Variants in FBN2 observed in about 807,000 individuals in gnomAD.
The protein encoded by FBN2 is fibrillin-2.
Under a neutral mutation model 355.6 loss-of-function variants are expected in FBN2, and 105 were observed. The ratio of observed to expected loss-of-function variants is 0.30; its 90% confidence interval spans 0.25 to 0.35. FBN2 has a LOEUF of 0.35. Among genes scored for constraint, FBN2 ranks in the 10% least tolerant of loss-of-function variants. The pLI, the probability that FBN2 is intolerant of heterozygous loss-of-function variation, is 1.00. For missense variants in FBN2, 3,280 were observed against 3,758.7 expected (o/e 0.87, Z 3.33); for synonymous variants, 1,350 against 1,301.2 (o/e 1.04, Z -0.81).
intron 34 of FBN2, among the ~76,000 whole-genome samples, chr5:128,320,396 C>T (rs1331251217): frequency 6.6e-6 from 1 of 151,974 alleles, no homozygotes; most frequent in East Asian, 1.9e-4. Flanking sequence ...AAAAGGTTTG[C>T]AGAGACAGGG....
At chr5:128,328,262 T>A in intron 34 of FBN2, 1 of 329,720 alleles carries the variant, frequency 3.0e-6, no homozygotes, top group South Asian at 3.2e-5. Flanking sequence ...GGACTTCCAT[T>A]CCCAGACATA....
intron 5 of FBN2, among the ~76,000 whole-genome samples, chr5:128,476,478 AT>A (rs1229817729): frequency 1.3e-5 from 2 of 152,106 alleles, no homozygotes; most frequent in Non-Finnish European, 2.9e-5. Context: ...AGTAGTAATA[AT>A]CAATATCAGA....
chr5:128,383,534 C>A (rs570137976), intron 11 of FBN2, among the ~76,000 whole-genome samples: 2 of 152,096 alleles, frequency 1.3e-5, no homozygotes, highest in East Asian at 3.9e-4. Flanking sequence ...AAAGGCAAGC[C>A]ACAGGCTAGG....
intron 6 of FBN2, among the ~76,000 whole-genome samples, chr5:128,455,011 C>T (rs1056653554): frequency 2.6e-5 from 4 of 151,950 alleles, no homozygotes; most frequent in African/African-American, 9.7e-5. Flanking sequence ...ATAATTATGC[C>T]AGTTTAATTT....
intron 5 of FBN2, among the ~76,000 whole-genome samples, chr5:128,508,951 A>G (rs1216428109): frequency 6.6e-6 from 1 of 152,030 alleles, no homozygotes; most frequent in Non-Finnish European, 1.5e-5. Context: ...GTTTTGGACA[A>G]ATAATTTGTT....
chr5:128,266,738 T>C (rs1478830805), intron 62 of FBN2, among the ~76,000 whole-genome samples: 2 of 152,072 alleles, frequency 1.3e-5, no homozygotes, highest in East Asian at 1.9e-4. Flanking sequence ...TTAAGGTCTA[T>C]GGAATTAACC....
At chr5:128,320,335 C>T (rs1206339216) in intron 34 of FBN2, among the ~76,000 whole-genome samples, 1 of 152,018 alleles carries the variant, frequency 6.6e-6, no homozygotes, top group Non-Finnish European at 1.5e-5. Flanking sequence ...CCCCTTCAGC[C>T]TTCCAGGTAG....
At chr5:128,412,277 T>C (rs901877752) in intron 7 of FBN2, among the ~76,000 whole-genome samples, 1 of 152,266 alleles carries the variant, frequency 6.6e-6, no homozygotes, top group Non-Finnish European at 1.5e-5. Context: ...CTCTGTATTT[T>C]GACTTGAGCT....
chr5:128,322,519 C>T (rs1750409641), intron 34 of FBN2, among the ~76,000 whole-genome samples: 1 of 152,164 alleles, frequency 6.6e-6, no homozygotes, highest in Non-Finnish European at 1.5e-5. Context: ...CCAGTTTTCC[C>T]AGCACCATTT....
At chr5:128,520,240 C>T (rs993853430) in intron 4 of FBN2, among the ~76,000 whole-genome samples, 3 of 152,116 alleles carry the variant, frequency 2.0e-5, no homozygotes, top group South Asian at 2.1e-4. Flanking sequence ...CACTGCAACT[C>T]GGTTCAGCCT....
chr5:128,514,994 T>C (rs972145697), intron 5 of FBN2, among the ~76,000 whole-genome samples: 27 of 152,336 alleles, frequency 1.8e-4, no homozygotes, highest in African/African-American at 6.5e-4. Flanking sequence ...ATACTACTAA[T>C]TTGCTATGTT....
intron 8 of FBN2, among the ~76,000 whole-genome samples, chr5:128,405,898 G>A (rs926961323): frequency 6.6e-6 from 1 of 152,042 alleles, no homozygotes; most frequent in East Asian, 1.9e-4. Context: ...AATATTCTAG[G>A]AGACAAGTTT....
chr5:128,381,870 G>A (rs1224842709), intron 11 of FBN2, among the ~76,000 whole-genome samples: 1 of 152,058 alleles, frequency 6.6e-6, no homozygotes, highest in African/African-American at 2.4e-5. Flanking sequence ...CAAAATTTGA[G>A]CTAAGCCTAA....
At chr5:128,279,129 T>C (rs1288144769) in intron 56 of FBN2, among the ~76,000 whole-genome samples, 1 of 152,126 alleles carries the variant, frequency 6.6e-6, no homozygotes, top group Non-Finnish European at 1.5e-5. Flanking sequence ...TTCTGTAGAA[T>C]ACAAGTGAAA....
chr5:128,456,487 G>T (rs930359446), intron 6 of FBN2, among the ~76,000 whole-genome samples: 1 of 152,064 alleles, frequency 6.6e-6, no homozygotes, highest in Non-Finnish European at 1.5e-5. Flanking sequence ...CACCCAACTG[G>T]GTGAGACCCT....
chr5:128,527,058 T>A (rs746940720), intron 4 of FBN2, among the ~76,000 whole-genome samples: 4 of 152,130 alleles, frequency 2.6e-5, no homozygotes, highest in Admixed American at 1.3e-4. Context: ...GAACGTATAG[T>A]CTACATCAGG....
chr5:128,473,126 C>A (rs1203789651), intron 5 of FBN2, among the ~76,000 whole-genome samples: 1 of 152,190 alleles, frequency 6.6e-6, no homozygotes, highest in African/African-American at 2.4e-5. Context: ...TTTCTGTAAT[C>A]TAATTCCTGG....
chr5:128,495,003 A>G (rs1460830872), intron 5 of FBN2, among the ~76,000 whole-genome samples: 2 of 152,206 alleles, frequency 1.3e-5, no homozygotes, highest in Non-Finnish European at 2.9e-5. Flanking sequence ...AGCAGTCATT[A>G]TGAGTATGTC....
At chr5:128,311,573 C>A in intron 38 of FBN2, 148 bp from the exon 39 acceptor site, 1 of 836,060 alleles carries the variant, frequency 1.2e-6, no homozygotes, top group Non-Finnish European at 2.0e-6. Flanking sequence ...TTATTCTGCT[C>A]AAATATCTTC....
Sources: gnomAD v4.1 joint callset for allele counts (sites outside exome capture counted in the v4.1 genomes callset) on GRCh38, gnomAD v4.1.1 for gene constraint, MANE v1.5 for transcripts, NCBI Gene and HGNC (gene_info 2026-07-23, HGNC 2026-07-21) for gene names.